The following ACAD11 variants were observed in gnomAD, a reference collection of about 807,000 sequenced individuals.
ACAD11 encodes acyl-Coenzyme A dehydrogenase family, member 11.
ACAD11 carries 83 observed loss-of-function variants against 102.2 expected under a neutral mutation model. The ratio of observed to expected loss-of-function variants is 0.81; its 90% CI spans 0.68 to 0.97. The LOEUF (loss-of-function observed/expected upper bound fraction) is 0.97, where lower values mean the gene tolerates loss of function less well. ACAD11 is among the 50% of genes least tolerant of loss of function. The probability of loss-of-function intolerance (pLI) is 0.00; values close to 1 mark genes in which losing one functional copy is unlikely to be tolerated. For missense variants in ACAD11, 901 were observed against 951.7 expected (o/e 0.95, Z 0.70); for synonymous variants, 324 against 319.8 (o/e 1.01, Z -0.14).
chr3:132,578,975 C>T lies in ACAD11; in HGVS notation c.1689-94G>A, dbSNP rs1391056080. ...ATCACAATTGTCTTTTTGATGTTTTCATGTAGTCATGTAAGCAGTGATGAC... is the reference window on the plus strand; with the variant it reads ...ATCACAATTGTCTTTTTGATGTTTTTATGTAGTCATGTAAGCAGTGATGAC... On this transcript the variant is annotated intron_variant, in intron 14 of 19. Coordinates refer to ENST00000264990, the MANE Select transcript of ACAD11 (RefSeq NM_032169.5). 2.6e-6 allele frequency: 4 copies of T among 1,556,526 alleles called. No homozygotes were observed. In the South Asian group the frequency reaches 3.4e-5, roughly 13 times the overall value.
rs1430646276 is a variant in ACAD11, at chr3:132,631,520, T to TA, written c.703-42dup. On this transcript the variant is annotated intron_variant, in intron 5 of 19. Coordinates refer to ENST00000264990, the MANE Select transcript of ACAD11 (RefSeq NM_032169.5). ...AAGAGGTCTGTAACACATTAAAACT[T>TA]AAAACAAGTATAATAAAGAAATAAA... 28 of 1,340,976 alleles carry TA rather than the reference T, an allele frequency of 2.1e-5. No individual in the cohort carries two copies. The Admixed American group carries it at 7.9e-4, about 38-fold the overall frequency. 83.1% of individuals were successfully genotyped at this position (1,340,976 alleles called of 1,614,324 possible).
Position 132,623,610 on chromosome 3 carries a change from C to T in ACAD11, c.1197+3081G>A, listed in dbSNP as rs568725240. 5.3e-5 allele frequency among the ~76,000 whole-genome samples: 8 copies of T among 152,068 alleles called. No individual in the cohort carries two copies. The South Asian group carries it at 1.2e-3, about 24-fold the overall frequency. ...GATCTTCAAAGACAAATGATTGTGG[C>T]TTTTCTGGTCACACAAAACATTGGC... On this transcript the variant is annotated intron_variant, in intron 9 of 19. Transcript: ENST00000264990.
At chr3:132,625,223 A>G (rs1939766888) in intron 9 of ACAD11, among the ~76,000 whole-genome samples, 1 of 152,138 alleles carries the variant, frequency 6.6e-6, no homozygotes, top group Non-Finnish European at 1.5e-5. Context: ...TTCTTCTGAG[A>G]TATGGCTTCT....
At chr3:132,570,905 T>C (rs1229202769) in intron 17 of ACAD11, among the ~76,000 whole-genome samples, 2 of 152,214 alleles carry the variant, frequency 1.3e-5, no homozygotes, top group African/African-American at 4.8e-5. Context: ...TTATCCAGTC[T>C]ATCATTGATG....
chr3:132,635,656 G>A (rs1940244260), intron 5 of ACAD11, among the ~76,000 whole-genome samples: 1 of 152,134 alleles, frequency 6.6e-6, no homozygotes, highest in South Asian at 2.1e-4. Flanking sequence ...TGGGCGGGTA[G>A]CACATATAGT....
At chr3:132,635,311 G>T (rs777733722) in intron 5 of ACAD11, among the ~76,000 whole-genome samples, 4 of 151,984 alleles carry the variant, frequency 2.6e-5, no homozygotes, top group Non-Finnish European at 5.9e-5. Context: ...AATATACTAT[G>T]GGGGGTGGGC....
intron 5 of ACAD11, among the ~76,000 whole-genome samples, chr3:132,637,197 T>C (rs1041124840): frequency 2.0e-5 from 3 of 152,064 alleles, no homozygotes; most frequent in Admixed American, 2.0e-4. Flanking sequence ...AAAATAATAA[T>C]AATAATGATG....
chr3:132,582,364 G>C (rs1167749592), intron 13 of ACAD11, among the ~76,000 whole-genome samples: 1 of 151,200 alleles, frequency 6.6e-6, no homozygotes, highest in Non-Finnish European at 1.5e-5. Flanking sequence ...GTTTTCTGTA[G>C]GGCATGATGT....
rs754965052 is a variant in ACAD11, at chr3:132,659,646, A to G, written c.106T>C (p.Phe36Leu). ...AGCGTAGCCTCACGTTCGGCCCCAA[A>G]GCCAGACAAGTGCTGGTTTAGGTAG... ...EAYLNQHLSG[F>L]GAEREATLTI... Residue 36 changes from phenylalanine to leucine, a missense_variant, in exon 1 of 20, where the codon TTT becomes CTT. Phe to Leu is a conservative substitution (Grantham distance 22). Transcript: ENST00000264990. The G allele has an allele frequency of 1.2e-6, 2 of 1,611,302 alleles. No homozygotes were observed. Among genetic ancestry groups the G allele is most frequent in the South Asian group, 2.2e-5 (2 of 90,626 alleles).
At position 132,637,077 on chromosome 3, in the gene ACAD11, C is replaced by T. The variant is rs537374026; in HGVS notation, c.702+2415G>A. Among the ~76,000 whole-genome samples the T allele has an allele frequency of 4.6e-5, 7 of 152,174 alleles. No homozygotes were observed. The East Asian group carries it at 9.6e-4, about 21-fold the overall frequency. On this transcript the variant is annotated intron_variant, in intron 5 of 19. Transcript: ENST00000264990. ...CCCAGATCCAATTAACCTTACTTCA[C>T]GACTTTATTCTGCAGCAAAAATATG...
chr3:132,589,883 C>A (rs1938004013), intron 13 of ACAD11, among the ~76,000 whole-genome samples: 1 of 152,116 alleles, frequency 6.6e-6, no homozygotes, highest in African/African-American at 2.4e-5. Flanking sequence ...CACCCTCAAG[C>A]AGACCTCTGT....
In ACAD11 at chr3:132,578,697, GA is replaced by G. The variant is rs1174281406; in HGVS notation, c.1774+98del. On this transcript the variant is annotated intron_variant, in intron 15 of 19. Transcript: ENST00000264990. ...TTGTCACAGACAAAGGAATATCTAA[GA>G]ATCTATCTTATGCATTAAAATGCTA... The G allele has an allele frequency of 1.1e-5, 15 of 1,323,566 alleles. No homozygotes were observed. The African/African-American group carries it at 2.1e-4, about 18-fold the overall frequency. The allele number at this position is 1,323,566 out of a possible 1,614,324, so 82.0% of individuals were successfully genotyped here.
intron 17 of ACAD11, among the ~76,000 whole-genome samples, chr3:132,566,915 G>A (rs1451300114): frequency 6.6e-6 from 1 of 152,102 alleles, no homozygotes; most frequent in Non-Finnish European, 1.5e-5. Flanking sequence ...ATTTGATGGT[G>A]GAGGCAAAAA....
intron 13 of ACAD11, among the ~76,000 whole-genome samples, chr3:132,586,644 C>A (rs1937842730): frequency 6.6e-6 from 1 of 152,112 alleles, no homozygotes; most frequent in Admixed American, 6.5e-5. Context: ...ATTTTCTCTA[C>A]CCTTCTGGGC....
intron 13 of ACAD11, among the ~76,000 whole-genome samples, chr3:132,582,314 C>A (rs1937614330): frequency 6.7e-6 from 1 of 148,708 alleles, no homozygotes; most frequent in African/African-American, 2.5e-5. Flanking sequence ...ATAATGGAAA[C>A]CAGAGAACTA....
Position 132,603,078 on chromosome 3 carries a change from C to T in ACAD11, c.1621+151G>A, listed in dbSNP as rs895066423. On this transcript the variant is annotated intron_variant, in intron 13 of 19. Coordinates refer to ENST00000264990, the MANE Select transcript of ACAD11 (RefSeq NM_032169.5). ...TCAGCCTCCCAAAGTGCTGGGATTA[C>T]AGGTGTTAGCCACCGCACCTGGCCT... is the stretch of plus-strand genomic sequence containing the variant. The T allele has an allele frequency of 1.6e-5, 10 of 634,276 alleles. 1 individual carries two copies. The South Asian group carries it at 2.0e-4, about 13-fold the overall frequency. 39.3% of individuals were successfully genotyped at this position (634,276 alleles called of 1,614,324 possible). A position where few individuals can be genotyped will look rare whatever the true frequency, so the allele number is the denominator to read the frequency against.
chr3:132,651,223 T>G (rs375304982), intron 1 of ACAD11, among the ~76,000 whole-genome samples: 3 of 152,260 alleles, frequency 2.0e-5, no homozygotes, highest in East Asian at 3.9e-4. Flanking sequence ...GCTTTGAATC[T>G]CAGGCCATGA....
intron 17 of ACAD11, 77 bp from the exon 18 acceptor site, chr3:132,561,294 A>G (rs750972956): frequency 9.2e-7 from 1 of 1,087,898 alleles, no homozygotes; most frequent in Non-Finnish European, 1.4e-6. Context: ...ACAGTCTTAT[A>G]GTTTGGTGAA....
At chr3:132,589,868 C>T (rs1938002787) in intron 13 of ACAD11, among the ~76,000 whole-genome samples, 1 of 152,140 alleles carries the variant, frequency 6.6e-6, no homozygotes. Context: ...CCTCCTCCCA[C>T]CCTCCACCCT....
Sources: allele counts gnomAD v4.1 joint callset (sites outside exome capture counted in the v4.1 genomes callset), GRCh38; gene constraint gnomAD v4.1.1; transcripts MANE v1.5; gene names NCBI Gene and HGNC (gene_info 2026-07-23, HGNC 2026-07-21).